The following SYCP2 variants were observed in gnomAD, a reference collection of about 807,000 sequenced individuals.
SYCP2 encodes synaptonemal complex protein 2.
In SYCP2, 55 loss-of-function variants were observed where a neutral mutation model predicts 211.3. The observed-to-expected ratio is 0.26, with a 90% CI of 0.21 to 0.33. SYCP2 has a LOEUF of 0.33. Ranked by LOEUF, SYCP2 falls within the 10% of genes least tolerant of loss-of-function variation. The probability of loss-of-function intolerance (pLI) is 1.00; values close to 1 mark genes in which losing one functional copy is unlikely to be tolerated. For missense variants in SYCP2, 1,731 were observed against 1,752.0 expected, an observed-to-expected ratio of 0.99 and a Z score of 0.21; for synonymous variants, 570 against 555.2, an observed-to-expected ratio of 1.03 and a Z score of -0.37.
At chr20:59,916,399 T>C in intron 8 of SYCP2, 87 bp downstream of exon 8, 1 of 741,956 alleles carries the variant, frequency 1.3e-6, no homozygotes, top group Admixed American at 2.3e-5. Flanking sequence ...AATTTTGTCC[T>C]ACATGAAATA....
At chr20:59,876,917 CAAAT>C (rs1033475390) in intron 33 of SYCP2, among the ~76,000 whole-genome samples, 5 of 152,072 alleles carry the variant, frequency 3.3e-5, no homozygotes, top group Admixed American at 6.6e-5. Flanking sequence ...GACTGCCAGA[CAAAT>C]AAATAAATAT....
Position 59,865,850 on chromosome 20 carries a change from T to C in SYCP2, c.4336A>G (p.Ile1446Val). The C allele has an allele frequency of 1.4e-6, 2 of 1,424,084 alleles. No individual in the cohort carries two copies. Among genetic ancestry groups the C allele is most frequent in the Middle Eastern group, 2.1e-4 (1 of 4,676 alleles). The allele number at this position is 1,424,084 out of a possible 1,614,324, so 88.2% of individuals were successfully genotyped here. A position where few individuals can be genotyped will look rare whatever the true frequency, so the allele number is the denominator to read the frequency against. The change falls in exon 42 of 45, where the codon ATA (isoleucine) becomes GTA (valine). Residue 1446 changes from isoleucine (I) to valine (V), a missense_variant. By Grantham distance (29) the Ile-to-Val change is conservative. This residue lies in a region of SYCP2 where 1,387 missense variants were observed against 1,351.3 expected (regional missense o/e 1.03). Transcript: ENST00000357552. ...EKEFVDFWEK[I>V]FQKFSAYQKS... ...TGATATGCACTGAACTTCTGAAATA[T>C]CTTTTCCCAAAAGTCCTAAATTAAT... is the stretch of plus-strand genomic sequence containing the variant.
In SYCP2 at chr20:59,922,428, A is replaced by G; in HGVS notation, c.-15T>C. On this transcript the variant is annotated 5_prime_UTR_variant, in exon 3 of 45. Transcript: ENST00000357552. ...CTTATTGGCATTTTGACTTCATTTA[A>G]AAAAAAAAAAAAAGCAAGACAAAAT... The G allele has an allele frequency of 1.4e-6, 1 of 727,888 alleles. No individual in the cohort carries two copies. Among genetic ancestry groups the G allele is most frequent in the South Asian group, 3.3e-5 (1 of 30,410 alleles). The allele number at this position is 727,888 out of a possible 1,614,324, so 45.1% of individuals were successfully genotyped here. A position where few individuals can be genotyped will look rare whatever the true frequency, so the allele number is the denominator to read the frequency against.
chr20:59,928,360 A>C (rs2060672360), intron 2 of SYCP2, among the ~76,000 whole-genome samples: 1 of 152,192 alleles, frequency 6.6e-6, no homozygotes, highest in African/African-American at 2.4e-5. Context: ...CATTAATGGA[A>C]GGACTTAACA....
At chr20:59,885,875 T>A (rs2059777931) in intron 26 of SYCP2, 53 bp downstream of exon 26, 2 of 1,370,560 alleles carry the variant, frequency 1.5e-6, no homozygotes, top group African/African-American at 2.9e-5. Context: ...GTGTTTATGG[T>A]CAAATATTGA....
intron 26 of SYCP2, among the ~76,000 whole-genome samples, chr20:59,883,866 CTATTA>C (rs1160853893): frequency 5.9e-5 from 9 of 151,968 alleles, no homozygotes; most frequent in South Asian, 2.1e-4. Flanking sequence ...TTGCACCAAC[CTATTA>C]TATTTGGGAT....
intron 35 of SYCP2, among the ~76,000 whole-genome samples, 175 bp from the exon 36 acceptor site, chr20:59,870,158 A>G (rs541443527): frequency 3.3e-5 from 5 of 151,966 alleles, no homozygotes; most frequent in African/African-American, 1.2e-4. Flanking sequence ...AGGCAAGTGG[A>G]TTATTACTTT....
intron 39 of SYCP2, 43 bp downstream of exon 39, chr20:59,867,668 A>G: frequency 1.3e-6 from 2 of 1,524,614 alleles, no homozygotes; most frequent in Non-Finnish European, 1.8e-6. Flanking sequence ...GTGGCATATT[A>G]TTATATTATT....
At chr20:59,921,685 T>C (rs1211326507) in intron 3 of SYCP2, among the ~76,000 whole-genome samples, 1 of 151,486 alleles carries the variant, frequency 6.6e-6, no homozygotes, top group East Asian at 1.9e-4. Flanking sequence ...ATATTTCCAA[T>C]TCATATCTTT....
intron 24 of SYCP2, among the ~76,000 whole-genome samples, chr20:59,887,903 C>T (rs985486849): frequency 6.6e-6 from 1 of 151,944 alleles, no homozygotes; most frequent in East Asian, 1.9e-4. Flanking sequence ...ATTCCATGCC[C>T]GCAAATGTGA....
intron 15 of SYCP2, among the ~76,000 whole-genome samples, chr20:59,902,697 T>C (rs1175325596): frequency 6.6e-6 from 1 of 152,082 alleles, no homozygotes; most frequent in Admixed American, 6.6e-5. Context: ...AAGCAGAAAA[T>C]GTTTTATTTG....
At position 59,911,774 on chromosome 20, in the gene SYCP2, TGA is replaced by T. The variant is rs2060333787; in HGVS notation, c.946_947del (p.Ser316IlefsTer7). 6.3e-7 allele frequency: 1 copy of T among 1,585,786 alleles called. No individual in the cohort carries two copies. Among genetic ancestry groups the T allele is most frequent in the Non-Finnish European group, 8.6e-7 (1 of 1,161,588 alleles). On this transcript the variant is annotated frameshift_variant, in exon 14 of 45. Transcript: ENST00000357552. LOFTEE classifies it high-confidence loss of function. ...IDFNLGSQTL[S>X]FYIAGDNDDH... The stretch of plus-strand genomic sequence containing the variant: ...CATCATTATCTCCAGCAATGTAGAA[TGA>T]GAGAGTCTGACTCCCAAGATTAAAA...
intron 22 of SYCP2, among the ~76,000 whole-genome samples, 160 bp downstream of exon 22, chr20:59,892,981 GA>G (rs1361200934): frequency 1.3e-5 from 2 of 151,700 alleles, no homozygotes; most frequent in African/African-American, 4.8e-5. Context: ...ACCACATGGG[GA>G]AAAAACCATA....
chr20:59,920,656 T>C (rs1346018532), intron 4 of SYCP2, among the ~76,000 whole-genome samples, 169 bp from the exon 5 acceptor site: 1 of 151,650 alleles, frequency 6.6e-6, no homozygotes, highest in East Asian at 1.9e-4. Context: ...GAATGTGACC[T>C]GCCCAAAGCC....
intron 35 of SYCP2, 113 bp from the exon 36 acceptor site, chr20:59,870,096 A>T (rs112388865): frequency 1.6e-6 from 1 of 610,508 alleles, no homozygotes; most frequent in East Asian, 2.9e-5. Context: ...CAAAACTACT[A>T]ATTCACTGCA....
In SYCP2 at chr20:59,864,204, C is replaced by T. The variant is rs1030377072; in HGVS notation, c.*107G>A. The T allele has an allele frequency of 6.4e-6, 5 of 779,264 alleles. No homozygotes were observed. The highest frequency in any genetic ancestry group is 8.0e-6 in the Non-Finnish European group (4 of 499,858). 48.3% of individuals were successfully genotyped at this position (779,264 alleles called of 1,614,324 possible). A position where few individuals can be genotyped will look rare whatever the true frequency, so the allele number is the denominator to read the frequency against. ...TTTGAGGGTTCCTATAAAGGGTACA[C>T]TTGCTTCGGTGACATGTATATTTTT... On this transcript the variant is annotated 3_prime_UTR_variant, in exon 45 of 45. Coordinates refer to ENST00000357552, the MANE Select transcript of SYCP2 (RefSeq NM_014258.4).
At chr20:59,921,915 T>C (rs187045067) in intron 3 of SYCP2, among the ~76,000 whole-genome samples, 82 of 151,724 alleles carry the variant, frequency 5.4e-4, no homozygotes, top group African/African-American at 1.9e-3. Flanking sequence ...ATTACCATTA[T>C]ATAATATTTA....
Position 59,870,053 on chromosome 20 carries a change from G to C in SYCP2, c.3556-70C>G, listed in dbSNP as rs1040921803. ...TGTTCAAAGCCCCCCACTTCAAAAAGAGTTGAACATAAGAAACATTAAAGC... is the reference window on the plus strand; with the variant it reads ...TGTTCAAAGCCCCCCACTTCAAAAACAGTTGAACATAAGAAACATTAAAGC... On this transcript the variant is annotated intron_variant, in intron 35 of 44. Transcript: ENST00000357552. The C allele has an allele frequency of 9.9e-6, 10 of 1,010,924 alleles. No homozygotes were observed. In the African/African-American group the frequency reaches 1.2e-4, roughly 12 times the overall value. 62.6% of individuals were successfully genotyped at this position (1,010,924 alleles called of 1,614,324 possible).
At position 59,905,318 on chromosome 20, in the gene SYCP2, T is replaced by A. The variant is rs2060193710; in HGVS notation, c.1033+2046A>T. On this transcript the variant is annotated intron_variant, in intron 15 of 44. Transcript: ENST00000357552. Reference sequence around the variant, plus strand: ...AAGTAATTAATTATAAATGAATATTTACAGCAGCATTTCATAATAGCTAAA... The same window carrying A: ...AAGTAATTAATTATAAATGAATATTAACAGCAGCATTTCATAATAGCTAAA... 2.0e-5 allele frequency among the ~76,000 whole-genome samples: 3 copies of A among 152,302 alleles called. No individual in the cohort carries two copies. The South Asian group carries it at 6.2e-4, about 32-fold the overall frequency.
Sources: gnomAD v4.1 joint callset for allele counts (sites outside exome capture counted in the v4.1 genomes callset) on GRCh38, gnomAD v4.1.1 for gene constraint, gnomAD v4.1.1 regional missense constraint, MANE v1.5 for transcripts, NCBI Gene and HGNC (gene_info 2026-07-23, HGNC 2026-07-21) for gene names.